TMEM123: variants seen among roughly 807,000 people sequenced by gnomAD.
TMEM123 encodes transmembrane protein 123.
Under a neutral mutation model 19.7 loss-of-function variants are expected in TMEM123, and 16 were observed. The observed-to-expected ratio is 0.81, with a 90% CI of 0.55 to 1.23. The LOEUF (loss-of-function observed/expected upper bound fraction) is 1.23, where lower values mean the gene tolerates loss of function less well. Ranked by LOEUF, TMEM123 falls within the 50% of genes most tolerant of loss-of-function variation. The probability of loss-of-function intolerance (pLI) is 0.00; values close to 1 mark genes in which losing one functional copy is unlikely to be tolerated. For synonymous variants in TMEM123, 118 were observed against 99.4 expected, an observed-to-expected ratio of 1.19 and a Z score of -1.12; for missense variants, 313 against 257.8, an observed-to-expected ratio of 1.21 and a Z score of -1.47.
At chr11:102,448,119 TAAACA>T (rs1857902643) in intron 2 of TMEM123, 3 of 408,956 alleles carry the variant, frequency 7.3e-6, no homozygotes, top group South Asian at 3.6e-5. Flanking sequence ...TGACTAAAAG[TAAACA>T]AAACAAGTTA....
chr11:102,405,347 C>A (rs570738233), intron 2 of TMEM123, among the ~76,000 whole-genome samples: 2 of 152,112 alleles, frequency 1.3e-5, no homozygotes, highest in Non-Finnish European at 2.9e-5. Flanking sequence ...CCACCGTGCC[C>A]GGCCTGATCT....
At chr11:102,404,238 A>G (rs577078818) in intron 2 of TMEM123, among the ~76,000 whole-genome samples, 36 of 152,252 alleles carry the variant, frequency 2.4e-4, no homozygotes, top group African/African-American at 7.9e-4. Flanking sequence ...CCTATCTTCC[A>G]CAACTATTTT....
At chr11:102,434,931 C>G (rs1471443299) in intron 2 of TMEM123, among the ~76,000 whole-genome samples, 1 of 151,894 alleles carries the variant, frequency 6.6e-6, no homozygotes, top group Non-Finnish European at 1.5e-5. Flanking sequence ...AATCTACTCT[C>G]TTAACAATTT....
chr11:102,403,363 CCTT>C (rs915572632), intron 2 of TMEM123, among the ~76,000 whole-genome samples: 2 of 152,192 alleles, frequency 1.3e-5, no homozygotes, highest in Non-Finnish European at 2.9e-5. Flanking sequence ...GCAAAGGTTT[CCTT>C]CTTTTTGCAT....
At chr11:102,451,310 T>C (rs960487389) in intron 1 of TMEM123, 6 of 152,198 alleles carry the variant, frequency 3.9e-5, no homozygotes, top group African/African-American at 1.4e-4. Flanking sequence ...GGTATAAAAT[T>C]AGGACCAAGA....
At chr11:102,413,784 C>CT (rs1464452932) in intron 2 of TMEM123, among the ~76,000 whole-genome samples, 1 of 152,220 alleles carries the variant, frequency 6.6e-6, no homozygotes, top group East Asian at 1.9e-4. Flanking sequence ...CGCAAGAACT[C>CT]TGGCAACTCA....
chr11:102,437,444 T>A (rs1336242387), intron 2 of TMEM123, among the ~76,000 whole-genome samples: 1 of 145,348 alleles, frequency 6.9e-6, no homozygotes, highest in Non-Finnish European at 1.5e-5. Context: ...GGTGACAGAA[T>A]GAGACTCTAT....
At chr11:102,443,451 T>C (rs2135864653) in intron 2 of TMEM123, among the ~76,000 whole-genome samples, 1 of 152,248 alleles carries the variant, frequency 6.6e-6, no homozygotes, top group East Asian at 1.9e-4. Context: ...GAGGAAAGGA[T>C]TCCCTATTTA....
chr11:102,420,262 T>C (rs1952075380), intron 2 of TMEM123, among the ~76,000 whole-genome samples: 1 of 152,164 alleles, frequency 6.6e-6, no homozygotes, highest in Non-Finnish European at 1.5e-5. Flanking sequence ...ATTGTTAATG[T>C]TTTATATTCC....
intron 4 of TMEM123, among the ~76,000 whole-genome samples, chr11:102,400,289 TATTC>T (rs1951901031): frequency 6.6e-6 from 1 of 152,226 alleles, no homozygotes; most frequent in Non-Finnish European, 1.5e-5. Context: ...GGGAGGGATT[TATTC>T]ATTCAACAAG....
intron 2 of TMEM123, among the ~76,000 whole-genome samples, chr11:102,414,104 A>G (rs1173408538): frequency 6.6e-6 from 1 of 152,218 alleles, no homozygotes; most frequent in Non-Finnish European, 1.5e-5. Context: ...AGAGACTCAG[A>G]GCTCAAAGAC....
chr11:102,417,679 G>C (rs1952052897), intron 2 of TMEM123, among the ~76,000 whole-genome samples: 2 of 152,086 alleles, frequency 1.3e-5, no homozygotes, highest in African/African-American at 4.8e-5. Context: ...AGCCCAACTA[G>C]CCAAAGCAAT....
At chr11:102,412,456 C>T (rs1448225999) in intron 2 of TMEM123, among the ~76,000 whole-genome samples, 1 of 151,738 alleles carries the variant, frequency 6.6e-6, no homozygotes, top group African/African-American at 2.4e-5. Context: ...AATCAACAGG[C>T]CATTTAAAAG....
intron 2 of TMEM123, among the ~76,000 whole-genome samples, chr11:102,410,609 C>G (rs891932882): frequency 2.6e-5 from 4 of 152,114 alleles, no homozygotes; most frequent in Non-Finnish European, 4.4e-5. Context: ...GCCTCTCATC[C>G]TGGCATCCTT....
At chr11:102,420,100 A>G (rs78270346) in intron 2 of TMEM123, among the ~76,000 whole-genome samples, 6,837 of 152,200 alleles carry the variant, frequency 0.045, 215 homozygotes, top group Non-Finnish European at 0.073. Flanking sequence ...GAGTTAAGAC[A>G]CTCTGTCTTA....
At chr11:102,427,049 G>C (rs576251862) in intron 2 of TMEM123, among the ~76,000 whole-genome samples, 1 of 151,102 alleles carries the variant, frequency 6.6e-6, no homozygotes, top group African/African-American at 2.4e-5. Context: ...TTAAGTTGCA[G>C]GGTTTTTTGT....
At chr11:102,422,800 CATTT>C (rs1378183632) in intron 2 of TMEM123, among the ~76,000 whole-genome samples, 2 of 152,180 alleles carry the variant, frequency 1.3e-5, no homozygotes, top group Non-Finnish European at 2.9e-5. Context: ...CTATTTCATT[CATTT>C]CTCACAGTAT....
At chr11:102,399,035 G>T in intron 4 of TMEM123, 144 bp from the exon 5 acceptor site, 1 of 696,198 alleles carries the variant, frequency 1.4e-6, no homozygotes. Context: ...AGTTCCTTAA[G>T]TATCCAATAT....
intron 2 of TMEM123, among the ~76,000 whole-genome samples, chr11:102,419,314 A>G (rs1174118167): frequency 6.6e-6 from 1 of 152,236 alleles, no homozygotes; most frequent in Non-Finnish European, 1.5e-5. Flanking sequence ...TATCCTGAAT[A>G]AGTACTTTTA....
Sources: allele counts gnomAD v4.1 joint callset (sites outside exome capture counted in the v4.1 genomes callset), GRCh38; gene constraint gnomAD v4.1.1; transcripts MANE v1.5; gene names NCBI Gene and HGNC (gene_info 2026-07-23, HGNC 2026-07-21).